Variants in TRPM8 observed in about 807,000 individuals in gnomAD.
TRPM8 encodes transient receptor potential cation channel subfamily M member 8, also known as TRPM8 cationic channel.
TRPM8 carries 110 observed loss-of-function variants against 133.7 expected under a neutral mutation model. The observed-to-expected ratio is 0.82, with a 90% CI of 0.70 to 0.96. The LOEUF (loss-of-function observed/expected upper bound fraction) is 0.96, where lower values mean the gene tolerates loss of function less well. Ranked by LOEUF, TRPM8 falls within the 40% of genes least tolerant of loss-of-function variation. TRPM8 has a pLI of 0.00. For synonymous variants in TRPM8, 535 were observed against 532.3 expected (o/e 1.01, Z -0.07); for missense variants, 1,291 against 1,379.5 (o/e 0.94, Z 1.02).
intron 3 of TRPM8, among the ~76,000 whole-genome samples, chr2:233,936,927 T>C (rs9646719): frequency 0.32 from 45,082 of 140,132 alleles, 8,843 homozygotes; most frequent in African/African-American, 0.54. Context: ...GAGGGAGTCT[T>C]GCTCTGTCAC....
At chr2:233,988,255 C>T (rs1295873186) in intron 21 of TRPM8, among the ~76,000 whole-genome samples, 1 of 152,026 alleles carries the variant, frequency 6.6e-6, no homozygotes, top group African/African-American at 2.4e-5. Context: ...CCTGTTCCAT[C>T]CCGAACTTCT....
intron 15 of TRPM8, among the ~76,000 whole-genome samples, chr2:233,967,055 C>T (rs1392834805): frequency 6.6e-6 from 1 of 152,134 alleles, no homozygotes; most frequent in African/African-American, 2.4e-5. Flanking sequence ...CCGCTGTACC[C>T]CTAATGAAGT....
chr2:233,923,587 C>T (rs7597116), intron 1 of TRPM8, among the ~76,000 whole-genome samples: 12,028 of 152,256 alleles, frequency 0.079, 582 homozygotes, highest in Middle Eastern at 0.15. Context: ...ACATCTCGAG[C>T]ACATCCTCTG....
At chr2:233,966,237 A>AC (rs1691569837) in intron 14 of TRPM8, 1 of 126,088 alleles carries the variant, frequency 7.9e-6, no homozygotes, top group Admixed American at 1.0e-4. Context: ...TGCTCTGATT[A>AC]CGGGGGGGTC....
At chr2:233,926,271 G>C (rs1691512612) in intron 1 of TRPM8, among the ~76,000 whole-genome samples, 1 of 152,208 alleles carries the variant, frequency 6.6e-6, no homozygotes, top group Non-Finnish European at 1.5e-5. Context: ...ACTGCAAAGA[G>C]GGGGTGCCCA....
Position 233,942,611 on chromosome 2 carries a change from C to T in TRPM8, c.562C>T (p.Leu188=), listed in dbSNP as rs1690937142. ...WILTGGTHYG[L]MKYIGEVVRD... is the part of the protein sequence containing the mutation. Reference sequence around the variant, plus strand: ...TCTCACGGGAGGCACCCATTATGGCCTGATGAAGTACATCGGGGAGGTGGT... The same window carrying T: ...TCTCACGGGAGGCACCCATTATGGCTTGATGAAGTACATCGGGGAGGTGGT... Residue 188 remains leucine (L), a synonymous_variant, in exon 6 of 26, where the codon CTG becomes TTG. Coordinates refer to ENST00000324695, the MANE Select transcript of TRPM8 (RefSeq NM_024080.5). 6.2e-7 allele frequency: 1 copy of T among 1,614,092 alleles called. No individual in the cohort carries two copies. Among genetic ancestry groups the T allele is most frequent in the Non-Finnish European group, 8.5e-7 (1 of 1,180,044 alleles).
chr2:233,958,308 C>T (rs542532150), intron 11 of TRPM8, among the ~76,000 whole-genome samples: 13 of 152,184 alleles, frequency 8.5e-5, no homozygotes, highest in Admixed American at 2.0e-4. Flanking sequence ...CACAATAATC[C>T]AGGTCACATG....
chr2:233,969,498 A>AG (rs1368051247), intron 15 of TRPM8, among the ~76,000 whole-genome samples, 197 bp from the exon 16 acceptor site: 3 of 151,146 alleles, frequency 2.0e-5, no homozygotes, highest in African/African-American at 4.9e-5. Context: ...AAGAAAAAAA[A>AG]CAAAAAACCA....
At chr2:233,959,284 C>T (rs1354205043) in intron 11 of TRPM8, among the ~76,000 whole-genome samples, 1 of 151,322 alleles carries the variant, frequency 6.6e-6, no homozygotes, top group Non-Finnish European at 1.5e-5. Flanking sequence ...CTTCAGCCTC[C>T]CAAAGTGCTG....
intron 21 of TRPM8, among the ~76,000 whole-genome samples, chr2:233,987,030 A>C (rs1293561659): frequency 6.6e-6 from 1 of 152,222 alleles, no homozygotes; most frequent in Non-Finnish European, 1.5e-5. Context: ...TTCTTAGGAA[A>C]GTACTTCAAA....
At chr2:233,992,690 G>A (rs28948672) in intron 21 of TRPM8, among the ~76,000 whole-genome samples, 11,645 of 152,172 alleles carry the variant, frequency 0.077, 469 homozygotes, top group East Asian at 0.14. Flanking sequence ...ACAAGATATC[G>A]CTGGAGATGC....
Position 233,955,195 on chromosome 2 carries a change from G to A in TRPM8, c.1307G>A (p.Trp436Ter), listed in dbSNP as rs1389124113. The change falls in exon 11 of 26, where the codon TGG (tryptophan) becomes TAG (stop). Residue 436 changes from tryptophan to a stop codon, truncating the protein, a stop_gained. Transcript: ENST00000324695. LOFTEE classifies it high-confidence loss of function. Reference protein sequence around the residue: ...WNGQLKLLLEWNQLDLANDEI... With the variant: ...WNGQLKLLLE ...GGGCAGCTGAAGCTTCTGCTGGAGT[G>A]GAACCAGCTGGACTTAGCCAATGAT... The A allele has an allele frequency of 6.2e-7, 1 of 1,614,046 alleles. No individual in the cohort carries two copies. Among genetic ancestry groups the A allele is most frequent in the African/African-American group, 1.3e-5 (1 of 74,926 alleles).
At chr2:233,921,041 A>G (rs925182720) in intron 1 of TRPM8, among the ~76,000 whole-genome samples, 6 of 151,746 alleles carry the variant, frequency 4.0e-5, no homozygotes, top group African/African-American at 1.2e-4. Context: ...GTATTTTTTT[A>G]ATAGAGATGG....
intron 22 of TRPM8, among the ~76,000 whole-genome samples, chr2:234,004,264 GA>G (rs1475967821): frequency 6.6e-6 from 1 of 152,218 alleles, no homozygotes; most frequent in Non-Finnish European, 1.5e-5. Context: ...GGAGACAACA[GA>G]AGGACAGGAT....
At chr2:234,006,102 A>G (rs955351791) in intron 22 of TRPM8, among the ~76,000 whole-genome samples, 9 of 152,190 alleles carry the variant, frequency 5.9e-5, no homozygotes, top group African/African-American at 2.2e-4. Flanking sequence ...ATGGTAACTC[A>G]AAAGTTAAAA....
chr2:234,000,451 A>C (rs1381026763), intron 22 of TRPM8, among the ~76,000 whole-genome samples: 1 of 152,108 alleles, frequency 6.6e-6, no homozygotes, highest in African/African-American at 2.4e-5. Context: ...GGCTCTAGAA[A>C]ATGACCTTTG....
Position 234,017,768 on chromosome 2 carries a change from G to T in TRPM8, c.*512G>T, listed in dbSNP as rs1574801108. ...CAAATTAGGCCAGATTCTAAAACATGCTGCAGCAAGAGGACCCCGCTCTCT... is the reference window on the plus strand; with the variant it reads ...CAAATTAGGCCAGATTCTAAAACATTCTGCAGCAAGAGGACCCCGCTCTCT... On this transcript the variant is annotated 3_prime_UTR_variant, in exon 26 of 26. Transcript: ENST00000324695. 6.2e-6 allele frequency: 1 copy of T among 161,606 alleles called. No individual in the cohort carries two copies. Among genetic ancestry groups the T allele is most frequent in the Non-Finnish European group, 1.3e-5 (1 of 74,514 alleles). The allele number at this position is 161,606 out of a possible 1,614,324, so 10.0% of individuals were successfully genotyped here.
Position 233,947,094 on chromosome 2 carries a change from A to G in TRPM8, c.881A>G (p.Asn294Ser), listed in dbSNP as rs200467265. ...YISERTIQDS[N>S]YGGKIPIVCF... is the part of the protein sequence containing the mutation. ...TACTTTTTATATTTTACAGATTCCA[A>G]CTATGGTGGCAAGATCCCCATTGTG... Residue 294 changes from asparagine to serine, a missense_variant, in exon 8 of 26, where the codon AAC becomes AGC. This residue lies in a region of TRPM8 where 963 missense variants were observed against 968.9 expected (regional missense o/e 0.99). Transcript: ENST00000324695. 1 of 1,614,038 alleles carries G rather than the reference A, an allele frequency of 6.2e-7. No homozygotes were observed. The highest frequency in any genetic ancestry group is 2.2e-5 in the East Asian group (1 of 44,872).
chr2:233,926,528 C>T lies in TRPM8; in HGVS notation c.-5-5C>T, dbSNP rs1691519091. On this transcript the variant is annotated splice_region_variant and splice_polypyrimidine_tract_variant and intron_variant, in intron 1 of 25. Transcript: ENST00000324695. Reference sequence around the variant, plus strand: ...CAAACTTATCCCCTCCAACCATCGTCACAGAAAAGATGTCCTTTCGGGCAG... The same window carrying T: ...CAAACTTATCCCCTCCAACCATCGTTACAGAAAAGATGTCCTTTCGGGCAG... 6.2e-7 allele frequency: 1 copy of T among 1,611,034 alleles called. No individual in the cohort carries two copies. Among genetic ancestry groups the T allele is most frequent in the South Asian group, 1.1e-5 (1 of 91,004 alleles).
Sources: gnomAD v4.1 joint callset for allele counts (sites outside exome capture counted in the v4.1 genomes callset) on GRCh38, gnomAD v4.1.1 for gene constraint, gnomAD v4.1.1 regional missense constraint, MANE v1.5 for transcripts, NCBI Gene and HGNC (gene_info 2026-07-23, HGNC 2026-07-21) for gene names.